Variants in RAB3GAP1 observed in about 807,000 individuals in gnomAD.
The protein encoded by RAB3GAP1 is RAB3 GTPase activating protein catalytic subunit 1.
A neutral mutation model predicts 130.7 loss-of-function variants in RAB3GAP1; 86 were observed. The observed-to-expected ratio is 0.66, with a 90% CI of 0.55 to 0.79. The LOEUF (loss-of-function observed/expected upper bound fraction) is 0.79. RAB3GAP1 is among the 30% of genes least tolerant of loss of function. The pLI, the probability that RAB3GAP1 is intolerant of heterozygous loss-of-function variation, is 0.00. For synonymous variants in RAB3GAP1, 367 were observed against 401.7 expected (o/e 0.91, Z 1.03); for missense variants, 1,029 against 1,169.4 (o/e 0.88, Z 1.75).
At chr2:135,129,954 T>C (rs777677686) in intron 11 of RAB3GAP1, 41 bp from the exon 12 acceptor site, 122 of 1,309,290 alleles carry the variant, frequency 9.3e-5, no homozygotes, top group Non-Finnish European at 1.3e-4. Context: ...ATTTTTTTTT[T>C]TTTCAGTTAA....
intron 17 of RAB3GAP1, among the ~76,000 whole-genome samples, chr2:135,138,281 C>CA (rs755492320): frequency 0.11 from 11,356 of 107,406 alleles, 877 homozygotes; most frequent in African/African-American, 0.23. Context: ...CTATTTCTAC[C>CA]AAAAAAAAAA....
chr2:135,154,366 A>G (rs555104726), intron 19 of RAB3GAP1, among the ~76,000 whole-genome samples: 1 of 152,320 alleles, frequency 6.6e-6, no homozygotes, highest in East Asian at 1.9e-4. Flanking sequence ...TGGAGAATAT[A>G]GTGGCACCTG....
At chr2:135,153,936 A>T in intron 19 of RAB3GAP1, 60 bp downstream of exon 19, 2 of 1,494,560 alleles carry the variant, frequency 1.3e-6, no homozygotes, top group Non-Finnish European at 1.9e-6. Flanking sequence ...TGATTTAGGA[A>T]CTCACTGTCA....
At chr2:135,171,971 G>T (rs544905244), downstream of RAB3GAP1, among the ~76,000 whole-genome samples, 26 of 152,302 alleles carry the variant, frequency 1.7e-4, no homozygotes, top group Admixed American at 1.2e-3. Flanking sequence ...CAGAAGGAAG[G>T]CCACTGTGGC....
intron 15 of RAB3GAP1, 123 bp downstream of exon 15, chr2:135,134,156 A>G (rs551535200): frequency 5.4e-6 from 6 of 1,103,020 alleles, no homozygotes; most frequent in African/African-American, 3.1e-5. Flanking sequence ...AAGCTTAGAC[A>G]TGATTTATGT....
In RAB3GAP1 at chr2:135,055,220, G is replaced by A. The variant is rs368157996; in HGVS notation, c.74+2735G>A. Among the ~76,000 whole-genome samples the A allele has an allele frequency of 3.9e-5, 6 of 152,108 alleles. No homozygotes were observed. In the East Asian group the frequency reaches 1.2e-3, roughly 29 times the overall value. Reference sequence around the variant, plus strand: ...GGTCTTATAAGAGCCTATAACAGAGGGACCTAATATAGAATAAGGAATCAG... The same window carrying A: ...GGTCTTATAAGAGCCTATAACAGAGAGACCTAATATAGAATAAGGAATCAG... On this transcript the variant is annotated intron_variant, in intron 2 of 23. Coordinates refer to ENST00000264158, the MANE Select transcript of RAB3GAP1 (RefSeq NM_012233.3).
intron 7 of RAB3GAP1, among the ~76,000 whole-genome samples, chr2:135,120,596 T>TAA (rs1410288946): frequency 3.9e-5 from 6 of 152,230 alleles, no homozygotes; most frequent in Non-Finnish European, 7.3e-5. Flanking sequence ...TTTTGCATCT[T>TAA]TGGCTCTAAT....
chr2:135,154,100 ACTGT>A (rs1692246512), intron 19 of RAB3GAP1, among the ~76,000 whole-genome samples: 1 of 152,174 alleles, frequency 6.6e-6, no homozygotes, highest in Admixed American at 6.5e-5. Flanking sequence ...TTACCATTGA[ACTGT>A]CTCACAGTAT....
chr2:135,053,528 G>C (rs1176197004), intron 2 of RAB3GAP1, among the ~76,000 whole-genome samples: 2 of 152,206 alleles, frequency 1.3e-5, no homozygotes, highest in African/African-American at 4.8e-5. Flanking sequence ...TGTTTACGCT[G>C]TTACAGCATT....
downstream of RAB3GAP1, among the ~76,000 whole-genome samples, chr2:135,175,140 AC>A (rs1372981365): frequency 5.3e-5 from 8 of 152,188 alleles, no homozygotes; most frequent in East Asian, 1.9e-4. Flanking sequence ...TGAGCAAATT[AC>A]CCTGAATAAG....
At position 135,128,839 on chromosome 2, in the gene RAB3GAP1, C is replaced by T. The variant is rs144647672; in HGVS notation, c.974-1156C>T. 4.1e-3 allele frequency among the ~76,000 whole-genome samples: 625 copies of T among 152,310 alleles called. 8 individuals are homozygous for T. The East Asian group carries it at 0.056, about 14-fold the overall frequency. On this transcript the variant is annotated intron_variant, in intron 11 of 23. Transcript: ENST00000264158. ...TTGTAGCTGTTCAGAAGATTCAAAT[C>T]GCTTTACCTCTGTTTATAATATGAC...
chr2:135,065,597 ACAATTTTTTCCTTTT>A (rs1222523223), intron 3 of RAB3GAP1, among the ~76,000 whole-genome samples: 1 of 152,156 alleles, frequency 6.6e-6, no homozygotes, highest in Non-Finnish European at 1.5e-5. Flanking sequence ...TTAATAAATT[ACAATTTTTTCCTTTT>A]CAATTTTTTT....
At chr2:135,105,248 T>TC (rs1336571452) in intron 5 of RAB3GAP1, among the ~76,000 whole-genome samples, 1 of 37,738 alleles carries the variant, frequency 2.6e-5, no homozygotes, top group Non-Finnish European at 5.1e-5. Context: ...CCCTTCCCCC[T>TC]CCCCCTCTCT....
At chr2:135,069,985 ATAATT>A (rs1194740969) in intron 3 of RAB3GAP1, among the ~76,000 whole-genome samples, 2 of 152,226 alleles carry the variant, frequency 1.3e-5, no homozygotes, top group Admixed American at 1.3e-4. Context: ...CCTGAGCTAA[ATAATT>A]ACCTTGAAGC....
intron 2 of RAB3GAP1, among the ~76,000 whole-genome samples, chr2:135,053,751 T>C (rs1392087880): frequency 1.3e-5 from 2 of 151,712 alleles, no homozygotes; most frequent in Non-Finnish European, 2.9e-5. Flanking sequence ...ACTTGACCCA[T>C]ATATTTTTAA....
intron 8 of RAB3GAP1, among the ~76,000 whole-genome samples, chr2:135,122,743 A>G (rs908339638): frequency 3.3e-5 from 5 of 151,922 alleles, no homozygotes; most frequent in East Asian, 1.9e-4. Context: ...GTTTTTTGAG[A>G]CAGAGTCTTG....
chr2:135,081,327 A>AAAATATATATAT (rs1363481112), intron 3 of RAB3GAP1, among the ~76,000 whole-genome samples: 18 of 64,046 alleles, frequency 2.8e-4, no homozygotes, highest in South Asian at 9.4e-4. Flanking sequence ...AAAAAAAAAA[A>AAAATATATATAT]ATATATATAT....
At chr2:135,105,875 C>G (rs910352369) in intron 5 of RAB3GAP1, among the ~76,000 whole-genome samples, 5 of 151,918 alleles carry the variant, frequency 3.3e-5, no homozygotes, top group African/African-American at 1.2e-4. Context: ...GCACCTCTGC[C>G]CAGCCGCGAC....
chr2:135,099,224 C>T (rs370169920), intron 5 of RAB3GAP1, among the ~76,000 whole-genome samples: 1 of 152,020 alleles, frequency 6.6e-6, no homozygotes, highest in South Asian at 2.1e-4. Flanking sequence ...TCCTGCTTTG[C>T]TGAGAGTTTT....
Sources: gnomAD v4.1 joint callset for allele counts (sites outside exome capture counted in the v4.1 genomes callset) on GRCh38, gnomAD v4.1.1 for gene constraint, MANE v1.5 for transcripts, NCBI Gene and HGNC (gene_info 2026-07-23, HGNC 2026-07-21) for gene names.